ZNF804B: variants seen among roughly 807,000 people sequenced by gnomAD.
ZNF804B encodes zinc finger protein 804B, also known as zinc finger 804B.
In ZNF804B, 80 loss-of-function variants were observed where a neutral mutation model predicts 101.4. The ratio of observed to expected loss-of-function variants is 0.79; its 90% CI spans 0.66 to 0.95. The LOEUF is 0.95. Ranked by LOEUF, ZNF804B falls within the 40% of genes least tolerant of loss-of-function variation. ZNF804B has a pLI of 0.00. For synonymous variants in ZNF804B, 622 were observed against 558.8 expected (o/e 1.11, Z -1.59); for missense variants, 1,673 against 1,561.9 (o/e 1.07, Z -1.20).
At chr7:89,057,004 G>C (rs1302850996) in intron 1 of ZNF804B, among the ~76,000 whole-genome samples, 2 of 152,146 alleles carry the variant, frequency 1.3e-5, no homozygotes, top group Non-Finnish European at 2.9e-5. Flanking sequence ...GAAGTCATGG[G>C]ACAGGGAGAG....
intron 1 of ZNF804B, among the ~76,000 whole-genome samples, chr7:88,863,998 T>C (rs1221984285): frequency 4.6e-5 from 7 of 152,188 alleles, no homozygotes; most frequent in Non-Finnish European, 1.0e-4. Flanking sequence ...GTTAATTCTT[T>C]TGGGAAGAAT....
intron 2 of ZNF804B, among the ~76,000 whole-genome samples, chr7:89,251,411 A>G (rs756397487): frequency 2.3e-4 from 35 of 152,290 alleles, no homozygotes; most frequent in Admixed American, 3.9e-4. Flanking sequence ...TGAAAGAAAC[A>G]AGACATCTAC....
At chr7:88,999,479 G>A (rs1788252452) in intron 1 of ZNF804B, among the ~76,000 whole-genome samples, 1 of 151,788 alleles carries the variant, frequency 6.6e-6, no homozygotes, top group Non-Finnish European at 1.5e-5. Context: ...ATATTTAAAG[G>A]GAACTTTTCA....
At chr7:88,827,929 T>C (rs576578733) in intron 1 of ZNF804B, among the ~76,000 whole-genome samples, 1 of 152,294 alleles carries the variant, frequency 6.6e-6, no homozygotes, top group Admixed American at 6.5e-5. Flanking sequence ...AAATCTTCTT[T>C]TTTTCTATCT....
chr7:88,872,387 A>G (rs555592269), intron 1 of ZNF804B, among the ~76,000 whole-genome samples: 1 of 152,316 alleles, frequency 6.6e-6, no homozygotes, highest in East Asian at 1.9e-4. Flanking sequence ...ACTTCACTCC[A>G]GCCTGAGTGA....
chr7:89,045,903 G>A (rs1464218734), intron 1 of ZNF804B, among the ~76,000 whole-genome samples: 1 of 152,132 alleles, frequency 6.6e-6, no homozygotes, highest in Non-Finnish European at 1.5e-5. Context: ...CTTTTGAAAT[G>A]TGAGGAGATG....
At chr7:88,892,510 A>AGAGT (rs1792227672) in intron 1 of ZNF804B, among the ~76,000 whole-genome samples, 1 of 152,080 alleles carries the variant, frequency 6.6e-6, no homozygotes, top group African/African-American at 2.4e-5. Context: ...TTTTTTGTAT[A>AGAGT]GAGTATCTTT....
At chr7:89,193,970 A>G (rs1788503631) in intron 1 of ZNF804B, among the ~76,000 whole-genome samples, 1 of 152,094 alleles carries the variant, frequency 6.6e-6, no homozygotes, top group Non-Finnish European at 1.5e-5. Flanking sequence ...CCTCTCCAGC[A>G]CCTGTTGTTT....
intron 1 of ZNF804B, among the ~76,000 whole-genome samples, chr7:88,783,719 T>A (rs994451410): frequency 9.9e-5 from 15 of 152,128 alleles, no homozygotes; most frequent in Non-Finnish European, 1.5e-4. Context: ...CTTCCTTGCA[T>A]CTTCCATCCT....
chr7:89,157,877 G>A (rs1050593921), intron 1 of ZNF804B, among the ~76,000 whole-genome samples: 1 of 152,108 alleles, frequency 6.6e-6, no homozygotes, highest in Non-Finnish European at 1.5e-5. Flanking sequence ...ATAAGTAATT[G>A]AAACTAAAGT....
intron 1 of ZNF804B, among the ~76,000 whole-genome samples, chr7:89,091,444 C>G (rs1287280270): frequency 6.6e-6 from 1 of 151,774 alleles, no homozygotes; most frequent in East Asian, 1.9e-4. Flanking sequence ...TGAGTATTTT[C>G]AGAGCTTTGA....
intron 1 of ZNF804B, among the ~76,000 whole-genome samples, chr7:88,934,454 A>G (rs534759916): frequency 1.3e-5 from 2 of 152,136 alleles, no homozygotes; most frequent in South Asian, 4.1e-4. Context: ...TCAGCAGGGT[A>G]AACAGACAAC....
intron 1 of ZNF804B, among the ~76,000 whole-genome samples, chr7:89,064,133 C>T (rs1269366448): frequency 1.3e-5 from 2 of 152,058 alleles, no homozygotes; most frequent in East Asian, 1.9e-4. Flanking sequence ...CATTGGCAGA[C>T]CCTCCGTGGA....
At chr7:88,996,828 A>G (rs1004125916) in intron 1 of ZNF804B, among the ~76,000 whole-genome samples, 1 of 152,102 alleles carries the variant, frequency 6.6e-6, no homozygotes, top group African/African-American at 2.4e-5. Flanking sequence ...CTAGTGAGGT[A>G]TAAAGTACAA....
rs867088751 is a variant in ZNF804B, at chr7:88,875,512, T to C, written c.108+115428T>C. ...GATCCCACAGAAATACAAACTACCA[T>C]CAGAGAATACTACAAACACCTCTAC... On this transcript the variant is annotated intron_variant, in intron 1 of 3. Transcript: ENST00000333190. Among the ~76,000 whole-genome samples the C allele has an allele frequency of 1.0e-3, 157 of 152,088 alleles. 3 individuals carry two copies. Among genetic ancestry groups the C allele is most frequent in the Middle Eastern group, 0.01 (3 of 294 alleles).
intron 1 of ZNF804B, among the ~76,000 whole-genome samples, chr7:89,053,280 T>C (rs1789237002): frequency 6.6e-6 from 1 of 152,120 alleles, no homozygotes; most frequent in Non-Finnish European, 1.5e-5. Context: ...CTAGTCATAA[T>C]TTCTAATTTG....
intron 1 of ZNF804B, among the ~76,000 whole-genome samples, chr7:89,085,936 C>T (rs1309709715): frequency 1.3e-5 from 2 of 151,894 alleles, no homozygotes; most frequent in South Asian, 4.1e-4. Context: ...ATTTTTAAAA[C>T]ACGATTGCTT....
intron 1 of ZNF804B, among the ~76,000 whole-genome samples, chr7:88,904,868 A>G (rs1026317837): frequency 1.3e-5 from 2 of 152,110 alleles, no homozygotes; most frequent in African/African-American, 2.4e-5. Context: ...AGGGTTTTCC[A>G]TGTATAGAAT....
chr7:89,246,767 A>C (rs1789453892), intron 2 of ZNF804B, among the ~76,000 whole-genome samples: 1 of 152,116 alleles, frequency 6.6e-6, no homozygotes, highest in African/African-American at 2.4e-5. Context: ...CTTTATGGGC[A>C]TAGATTGTGG....
Sources: gnomAD v4.1 joint callset for allele counts (sites outside exome capture counted in the v4.1 genomes callset) on GRCh38, gnomAD v4.1.1 for gene constraint, MANE v1.5 for transcripts, NCBI Gene and HGNC (gene_info 2026-07-23, HGNC 2026-07-21) for gene names.